The following GABRB2 variants were observed in gnomAD, a reference collection of about 807,000 sequenced individuals.
GABRB2 encodes gamma-aminobutyric acid receptor subunit beta-2.
Under a neutral mutation model 54.7 loss-of-function variants are expected in GABRB2, and 16 were observed. The ratio of observed to expected loss-of-function variants is 0.29; its 90% CI spans 0.20 to 0.44. GABRB2 has a LOEUF of 0.44. GABRB2 is among the 20% of genes least tolerant of loss of function. The pLI, the probability that GABRB2 is intolerant of heterozygous loss-of-function variation, is 1.00. For missense variants in GABRB2, 355 were observed against 644.0 expected (o/e 0.55, Z 4.86); for synonymous variants, 244 against 233.8 (o/e 1.04, Z -0.40).
At chr5:161,424,218 T>TG in intron 4 of GABRB2, among the ~76,000 whole-genome samples, 1 of 152,280 alleles carries the variant, frequency 6.6e-6, no homozygotes, top group South Asian at 2.1e-4. Context: ...AGGTAATCAA[T>TG]GAAGGTGGCT....
chr5:161,362,176 T>C (rs1754832933), intron 5 of GABRB2, among the ~76,000 whole-genome samples: 1 of 152,190 alleles, frequency 6.6e-6, no homozygotes, highest in Non-Finnish European at 1.5e-5. Context: ...TTGATTGCTG[T>C]AGCCATGTAG....
chr5:161,345,705 C>T (rs1754302739), intron 5 of GABRB2, among the ~76,000 whole-genome samples: 1 of 152,074 alleles, frequency 6.6e-6, no homozygotes, highest in South Asian at 2.1e-4. Flanking sequence ...AATATTTCCA[C>T]AGCACTCTAG....
At position 161,291,970 on chromosome 5, in the gene GABRB2, G is replaced by C. The variant is rs1280928359; in HGVS notation, c.*2111C>G. The C allele has an allele frequency of 6.6e-6, 1 of 152,158 alleles. No individual in the cohort carries two copies. Among genetic ancestry groups the C allele is most frequent in the African/African-American group, 2.4e-5 (1 of 41,454 alleles). The allele number at this position is 152,158 out of a possible 1,614,324, so 9.4% of individuals were successfully genotyped here. On this transcript the variant is annotated 3_prime_UTR_variant, in exon 10 of 10. Transcript: ENST00000393959. ...TGCCTAGGAGAAAGTGTGTCCTGGA[G>C]AAACATGAGGAATCTCTACTCTGAG...
At chr5:161,509,375 T>G (rs557018822) in intron 3 of GABRB2, among the ~76,000 whole-genome samples, 1 of 149,070 alleles carries the variant, frequency 6.7e-6, no homozygotes, top group African/African-American at 2.5e-5. Flanking sequence ...CACATTCAAT[T>G]TTAGCACTTC....
intron 4 of GABRB2, among the ~76,000 whole-genome samples, chr5:161,428,098 T>A (rs1298973529): frequency 6.6e-6 from 1 of 152,168 alleles, no homozygotes; most frequent in Non-Finnish European, 1.5e-5. Context: ...CGTCTAATAA[T>A]TACCAAATGT....
chr5:161,546,770 C>A, upstream of GABRB2: 3 of 1,449,686 alleles, frequency 2.1e-6, no homozygotes, highest in Non-Finnish European at 9.1e-7. Context: ...GGGGAAGCGG[C>A]GGCTGCCGGG....
At chr5:161,411,247 C>T (rs1262559362) in intron 4 of GABRB2, among the ~76,000 whole-genome samples, 190 bp from the exon 5 acceptor site, 1 of 152,168 alleles carries the variant, frequency 6.6e-6, no homozygotes. Flanking sequence ...TGGACTAAAT[C>T]TGCATTTCCC....
At chr5:161,444,904 T>C (rs1757574419) in intron 4 of GABRB2, among the ~76,000 whole-genome samples, 1 of 152,174 alleles carries the variant, frequency 6.6e-6, no homozygotes, top group African/African-American at 2.4e-5. Flanking sequence ...CCCTATTTTG[T>C]ATGAATTGCA....
chr5:161,447,860 C>T (rs1046845502), intron 4 of GABRB2, among the ~76,000 whole-genome samples: 5 of 152,078 alleles, frequency 3.3e-5, no homozygotes, highest in African/African-American at 1.2e-4. Flanking sequence ...GCCTGAAACT[C>T]CTGTTACTTA....
Position 161,409,471 on chromosome 5 carries a change from G to A in GABRB2, c.541+1504C>T, listed in dbSNP as rs146917806. Reference sequence around the variant, plus strand: ...CCATTCTTTAAAATAAAGAGGCCTTGTTTACTTATCTGAGAGGGTTGTGGA... The same window carrying A: ...CCATTCTTTAAAATAAAGAGGCCTTATTTACTTATCTGAGAGGGTTGTGGA... On this transcript the variant is annotated intron_variant, in intron 5 of 9. Coordinates refer to ENST00000393959, the MANE Select transcript of GABRB2 (RefSeq NM_001371727.1). Among the ~76,000 whole-genome samples, 675 of 152,170 alleles carry A rather than the reference G, an allele frequency of 4.4e-3. 2 individuals are homozygous for A. The highest frequency in any genetic ancestry group is 0.016 in the African/African-American group (650 of 41,522).
chr5:161,493,149 T>A (rs1759130147), intron 3 of GABRB2, among the ~76,000 whole-genome samples: 1 of 151,812 alleles, frequency 6.6e-6, no homozygotes, highest in South Asian at 2.1e-4. Context: ...TTGTTTAGAA[T>A]ACAAATAATA....
chr5:161,536,245 G>A (rs763587165), intron 3 of GABRB2, among the ~76,000 whole-genome samples: 12 of 152,082 alleles, frequency 7.9e-5, no homozygotes, highest in Non-Finnish European at 1.8e-4. Context: ...CTGTACGAAA[G>A]TTCAGGAGGG....
At position 161,463,600 on chromosome 5, in the gene GABRB2, T is replaced by C. The variant is rs571878666; in HGVS notation, c.238-3756A>G. Among the ~76,000 whole-genome samples the C allele has an allele frequency of 8.2e-4, 85 of 103,288 alleles. 1 individual carries two copies. The highest frequency in any genetic ancestry group is 3.0e-3 in the African/African-American group (82 of 27,636). 67.8% of individuals were successfully genotyped at this position (103,288 alleles called of 152,430 possible). ...ATATATATATATATATATATATATA[T>C]GAAAGAGAATAGCCAAAACAGTTTT... is the stretch of plus-strand genomic sequence containing the variant. On this transcript the variant is annotated intron_variant, in intron 3 of 9. Coordinates refer to ENST00000393959, the MANE Select transcript of GABRB2 (RefSeq NM_001371727.1).
At chr5:161,398,913 C>T (rs1756093481) in intron 5 of GABRB2, among the ~76,000 whole-genome samples, 1 of 152,122 alleles carries the variant, frequency 6.6e-6, no homozygotes, top group Non-Finnish European at 1.5e-5. Context: ...TGGTATCGAT[C>T]TCTTCACTGT....
At chr5:161,465,618 C>T (rs536138919) in intron 3 of GABRB2, among the ~76,000 whole-genome samples, 15 of 152,128 alleles carry the variant, frequency 9.9e-5, no homozygotes, top group Admixed American at 6.6e-4. Flanking sequence ...TACTGTAAAA[C>T]GTGTGTCTGT....
At chr5:161,372,461 A>G (rs1265578884) in intron 5 of GABRB2, among the ~76,000 whole-genome samples, 1 of 152,022 alleles carries the variant, frequency 6.6e-6, no homozygotes, top group Non-Finnish European at 1.5e-5. Context: ...GATAGCTCCT[A>G]TTTGGGGCTG....
At chr5:161,412,627 T>C (rs1412975177) in intron 4 of GABRB2, among the ~76,000 whole-genome samples, 1 of 152,230 alleles carries the variant, frequency 6.6e-6, no homozygotes, top group Non-Finnish European at 1.5e-5. Flanking sequence ...AGCCAGTATC[T>C]GGAGTACTCT....
intron 3 of GABRB2, among the ~76,000 whole-genome samples, chr5:161,512,959 C>T (rs1193004267): frequency 4.0e-5 from 6 of 151,650 alleles, no homozygotes; most frequent in Non-Finnish European, 1.5e-5. Flanking sequence ...AAATGTTCAA[C>T]ATCCCTAATC....
intron 5 of GABRB2, among the ~76,000 whole-genome samples, chr5:161,377,920 TTGTA>T (rs1256866113): frequency 2.6e-5 from 4 of 152,076 alleles, no homozygotes; most frequent in African/African-American, 9.7e-5. Context: ...TAATACATAT[TTGTA>T]TGTATTTTTA....
Sources: gnomAD v4.1 joint callset for allele counts (sites outside exome capture counted in the v4.1 genomes callset) on GRCh38, gnomAD v4.1.1 for gene constraint, MANE v1.5 for transcripts, NCBI Gene and HGNC (gene_info 2026-07-23, HGNC 2026-07-21) for gene names.